The following KCNK12 variants were observed in gnomAD, a reference collection of about 807,000 sequenced individuals.
The protein encoded by KCNK12 is potassium channel subfamily K member 12.
In KCNK12, 6 loss-of-function variants were observed where a neutral mutation model predicts 25.3. The ratio of observed to expected loss-of-function variants is 0.24; its 90% CI spans 0.13 to 0.47. The LOEUF (loss-of-function observed/expected upper bound fraction) is 0.47. Ranked by LOEUF, KCNK12 falls within the 20% of genes least tolerant of loss-of-function variation. The pLI is 0.99. For synonymous variants in KCNK12, 331 were observed against 311.1 expected, an observed-to-expected ratio of 1.06 and a Z score of -0.67; for missense variants, 444 against 661.7, an observed-to-expected ratio of 0.67 and a Z score of 3.61.
rs906316968 is a variant in KCNK12, at chr2:47,565,206, G to C, written c.391+4735C>G. 2 of 152,104 alleles carry C rather than the reference G, an allele frequency of 1.3e-5. No individual in the cohort carries two copies. The highest frequency in any genetic ancestry group is 4.8e-5 in the African/African-American group (2 of 41,420). The allele number at this position is 152,104 out of a possible 1,614,324, so 9.4% of individuals were successfully genotyped here. ...TTGATGAGAGAAATACGCAAGGAAG[G>C]ATGCGCCTCTCCTTCTGGATAATGT... On this transcript the variant is annotated intron_variant, in intron 1 of 1. Transcript: ENST00000327876. This position sits in a 1 kb window ranked among gnomAD's most constrained non-coding sequence, Gnocchi z 5.0.
rs1376945832 is a variant in KCNK12, at chr2:47,557,403, A to G, written c.391+12538T>C. Among the ~76,000 whole-genome samples, 2 of 152,158 alleles carry G rather than the reference A, an allele frequency of 1.3e-5. No individual in the cohort carries two copies. The highest frequency in any genetic ancestry group is 2.9e-5 in the Non-Finnish European group (2 of 68,030). On this transcript the variant is annotated intron_variant, in intron 1 of 1. Coordinates refer to ENST00000327876, the MANE Select transcript of KCNK12 (RefSeq NM_022055.2). The surrounding 1 kb of genome is among the most constrained non-coding windows in gnomAD (Gnocchi z 4.9). Reference sequence around the variant, plus strand: ...CTCTATCATAAACTTCCCAGCCTCCAGAATGGTGAGTGAAATCAACTTTTT... The same window carrying G: ...CTCTATCATAAACTTCCCAGCCTCCGGAATGGTGAGTGAAATCAACTTTTT...
chr2:47,552,712 G>A (rs1669463432), intron 1 of KCNK12, among the ~76,000 whole-genome samples: 1 of 152,080 alleles, frequency 6.6e-6, no homozygotes, highest in African/African-American at 2.4e-5. Flanking sequence ...AGGTTGCAGT[G>A]AGCAGGGATC....
Position 47,562,492 on chromosome 2 carries a change from A to C in KCNK12, c.391+7449T>G, listed in dbSNP as rs1019368353. The C allele has an allele frequency of 7.0e-5, 17 of 243,796 alleles. No homozygotes were observed. The highest frequency in any genetic ancestry group is 1.3e-4 in the Non-Finnish European group (16 of 125,662). 15.1% of individuals were successfully genotyped at this position (243,796 alleles called of 1,614,324 possible). On this transcript the variant is annotated intron_variant, in intron 1 of 1. Transcript: ENST00000327876. The surrounding 1 kb of genome is among the most constrained non-coding windows in gnomAD (Gnocchi z 4.8). ...CTTAGCCCCATGTTGGGGGTTGGCC[A>C]AGCGCAGGGAGGAGGCAGCACTCAC...
Position 47,533,657 on chromosome 2 carries a change from C to T in KCNK12, c.392-11849G>A, listed in dbSNP as rs1209623457. Among the ~76,000 whole-genome samples, 1 of 152,194 alleles carries T rather than the reference C, an allele frequency of 6.6e-6. No individual in the cohort carries two copies. Among genetic ancestry groups the T allele is most frequent in the Non-Finnish European group, 1.5e-5 (1 of 68,024 alleles). On this transcript the variant is annotated intron_variant, in intron 1 of 1. Coordinates refer to ENST00000327876, the MANE Select transcript of KCNK12 (RefSeq NM_022055.2). The surrounding 1 kb of genome is among the most constrained non-coding windows in gnomAD (Gnocchi z 4.7). ...TTTGGCCCCTACGCTGGGTAGGAGG[C>T]CCGGCTAGAGGTTAGGCACCATCTT...
In KCNK12 at chr2:47,562,611, T is replaced by C. The variant is rs2104889347; in HGVS notation, c.391+7330A>G. 1 of 233,380 alleles carries C rather than the reference T, an allele frequency of 4.3e-6. No individual in the cohort carries two copies. The highest frequency in any genetic ancestry group is 1.8e-4 in the South Asian group (1 of 5,510). The allele number at this position is 233,380 out of a possible 1,614,324, so 14.5% of individuals were successfully genotyped here. A position where few individuals can be genotyped will look rare whatever the true frequency, so the allele number is the denominator to read the frequency against. On this transcript the variant is annotated intron_variant, in intron 1 of 1. Transcript: ENST00000327876. The surrounding 1 kb of genome is among the most constrained non-coding windows in gnomAD (Gnocchi z 4.8). ...GTAGGTGGCTAGGGAATGGCAGGGT[T>C]TGGGGTAGAACTTCCTGGGGCCAGA...
At chr2:47,567,522 A>G (rs1468000946) in intron 1 of KCNK12, among the ~76,000 whole-genome samples, 1 of 152,252 alleles carries the variant, frequency 6.6e-6, no homozygotes. Context: ...AATGCCAATT[A>G]TGCTACTTGG....
At chr2:47,527,960 A>G (rs954335015) in intron 1 of KCNK12, among the ~76,000 whole-genome samples, 27 of 152,270 alleles carry the variant, frequency 1.8e-4, no homozygotes, top group African/African-American at 6.5e-4. Flanking sequence ...GAGGCCCCTC[A>G]CTGGGTTTCT....
At chr2:47,563,314 G>A in intron 1 of KCNK12, 2 of 233,606 alleles carry the variant, frequency 8.6e-6, no homozygotes, top group Non-Finnish European at 1.7e-5. Flanking sequence ...TCTCAGAACT[G>A]TACTGGATTC....
chr2:47,521,678 G>A lies in KCNK12; in HGVS notation c.522C>T (p.Phe174=). The A allele has an allele frequency of 6.2e-7, 1 of 1,601,556 alleles. No homozygotes were observed. Among genetic ancestry groups the A allele is most frequent in the Non-Finnish European group, 8.5e-7 (1 of 1,175,818 alleles). Residue 174 remains phenylalanine (F), a synonymous_variant, in exon 2 of 2, where the codon TTC becomes TTT. Coordinates refer to ENST00000327876, the MANE Select transcript of KCNK12 (RefSeq NM_022055.2). ...GGCGCTCCCGGCAGGCGCGCATGAT[G>A]AAGGCCAGCAGCGAGATGATGCGCT... is the stretch of plus-strand genomic sequence containing the variant. ...FLERIISLLA[F]IMRACRERQL...
intron 1 of KCNK12, chr2:47,564,273 C>T (rs887554319): frequency 1.7e-5 from 4 of 230,080 alleles, no homozygotes; most frequent in Non-Finnish European, 2.6e-5. Flanking sequence ...GACAGTCTCT[C>T]GCTCCAAAGG....
chr2:47,533,781 C>T lies in KCNK12; in HGVS notation c.392-11973G>A, dbSNP rs142392670. ...GACCGTGGGCTGCTCTATTTGTTGG[C>T]GCTTGCTGGTTTGTCTGATTTGCAG... On this transcript the variant is annotated intron_variant, in intron 1 of 1. Coordinates refer to ENST00000327876, the MANE Select transcript of KCNK12 (RefSeq NM_022055.2). The surrounding 1 kb of genome is among the most constrained non-coding windows in gnomAD (Gnocchi z 4.7). Among the ~76,000 whole-genome samples the T allele has an allele frequency of 5.5e-4, 84 of 152,282 alleles. No homozygotes were observed. Among genetic ancestry groups the T allele is most frequent in the African/African-American group, 1.9e-3 (77 of 41,548 alleles).
rs915172228 is a variant in KCNK12, at chr2:47,570,469, C to G, written c.-138G>C. The G allele has an allele frequency of 4.5e-5, 41 of 913,114 alleles. No homozygotes were observed. The highest frequency in any genetic ancestry group is 1.4e-4 in the Admixed American group (3 of 21,614). The allele number at this position is 913,114 out of a possible 1,614,324, so 56.6% of individuals were successfully genotyped here. A position where few individuals can be genotyped will look rare whatever the true frequency, so the allele number is the denominator to read the frequency against. On this transcript the variant is annotated 5_prime_UTR_variant, in exon 1 of 2. Coordinates refer to ENST00000327876, the MANE Select transcript of KCNK12 (RefSeq NM_022055.2). ...AGCCCCTCGCCGCCTTCGCAGAGCC[C>G]CTCGTCGCCTTCCCAGAGCCCGGAC...
chr2:47,520,777 T>TA lies in KCNK12; in HGVS notation c.*129dup. The TA allele has an allele frequency of 3.0e-6, 2 of 675,576 alleles. No individual in the cohort carries two copies. The highest frequency in any genetic ancestry group is 4.2e-6 in the Non-Finnish European group (2 of 480,186). The allele number at this position is 675,576 out of a possible 1,614,324, so 41.8% of individuals were successfully genotyped here. A position where few individuals can be genotyped will look rare whatever the true frequency, so the allele number is the denominator to read the frequency against. ...CAGGCCTGGCCAAATAGTATTTCTT[T>TA]AAAAAAATTTTTTTTGTTTCATTTT... On this transcript the variant is annotated 3_prime_UTR_variant, in exon 2 of 2. Coordinates refer to ENST00000327876, the MANE Select transcript of KCNK12 (RefSeq NM_022055.2). This position sits in a 1 kb window ranked among gnomAD's most constrained non-coding sequence, Gnocchi z 5.0.
chr2:47,515,388 C>T lies in KCNK12; in HGVS notation c.*5519G>A, dbSNP rs1402983055. Among the ~76,000 whole-genome samples the T allele has an allele frequency of 6.6e-6, 1 of 152,228 alleles. No homozygotes were observed. Among genetic ancestry groups the T allele is most frequent in the Non-Finnish European group, 1.5e-5 (1 of 68,052 alleles). ...ACACTAAGTCTGTGAGAGTTATTTA[C>T]ATCCTACTGCTTAAGGTCATCGCCA... On this transcript the variant is annotated 3_prime_UTR_variant, in exon 2 of 2. Transcript: ENST00000327876.
At chr2:47,554,788 G>C (rs1327117345) in intron 1 of KCNK12, among the ~76,000 whole-genome samples, 1 of 152,232 alleles carries the variant, frequency 6.6e-6, no homozygotes, top group African/African-American at 2.4e-5. Context: ...GGATTGGTTA[G>C]AACGCTAACT....
chr2:47,530,484 A>G (rs6722911), intron 1 of KCNK12, among the ~76,000 whole-genome samples: 73,112 of 151,988 alleles, frequency 0.48, 19,938 homozygotes, highest in African/African-American at 0.74. Flanking sequence ...CTAAAAGAAT[A>G]GCTGGAGAAG....
chr2:47,541,869 C>G (rs1012574463), intron 1 of KCNK12, among the ~76,000 whole-genome samples: 1 of 152,160 alleles, frequency 6.6e-6, no homozygotes, highest in Non-Finnish European at 1.5e-5. Context: ...TTGTTTAAGT[C>G]CCCCAGTCCG....
At position 47,570,354 on chromosome 2, in the gene KCNK12, C is replaced by T. The variant is rs1351009022; in HGVS notation, c.-23G>A. Reference sequence around the variant, plus strand: ...CATGGTCCGGAGCTCAGCCCCGGGGCCGGGGCGGCGCTCGGGGCCCGGGCC... The same window carrying T: ...CATGGTCCGGAGCTCAGCCCCGGGGTCGGGGCGGCGCTCGGGGCCCGGGCC... On this transcript the variant is annotated 5_prime_UTR_variant, in exon 1 of 2. Coordinates refer to ENST00000327876, the MANE Select transcript of KCNK12 (RefSeq NM_022055.2). 1.9e-5 allele frequency: 23 copies of T among 1,226,302 alleles called. No homozygotes were observed. Among genetic ancestry groups the T allele is most frequent in the South Asian group, 1.4e-4 (4 of 27,976 alleles). The allele number at this position is 1,226,302 out of a possible 1,614,324, so 76.0% of individuals were successfully genotyped here. A position where few individuals can be genotyped will look rare whatever the true frequency, so the allele number is the denominator to read the frequency against.
chr2:47,550,689 G>A (rs932704059), intron 1 of KCNK12, among the ~76,000 whole-genome samples: 8 of 151,778 alleles, frequency 5.3e-5, no homozygotes, highest in South Asian at 2.1e-4. Context: ...GGCCACAGAC[G>A]TCTTATCAGA....
Sources: allele counts gnomAD v4.1 joint callset (sites outside exome capture counted in the v4.1 genomes callset), GRCh38; gene constraint gnomAD v4.1.1; non-coding constraint Gnocchi (gnomAD v3.1); transcripts MANE v1.5; gene names NCBI Gene and HGNC (gene_info 2026-07-23, HGNC 2026-07-21).